The following RNPEPL1 variants were observed in gnomAD, a reference collection of about 807,000 sequenced individuals.
The protein encoded by RNPEPL1 is aminopeptidase RNPEPL1.
Under a neutral mutation model 69.0 loss-of-function variants are expected in RNPEPL1, and 46 were observed. The ratio of observed to expected loss-of-function variants is 0.67; its 90% CI spans 0.53 to 0.85. The LOEUF (loss-of-function observed/expected upper bound fraction) is 0.85, where lower values mean the gene tolerates loss of function less well. Among genes scored for constraint, RNPEPL1 ranks in the 40% least tolerant of loss-of-function variants. The pLI, the probability that RNPEPL1 is intolerant of heterozygous loss-of-function variation, is 0.00. For missense variants in RNPEPL1, 869 were observed against 992.5 expected (o/e 0.88, Z 1.67); for synonymous variants, 525 against 454.1 (o/e 1.16, Z -1.98).
At chr2:240,572,775 G>A (rs559173628) in intron 2 of RNPEPL1, among the ~76,000 whole-genome samples, 62 of 152,350 alleles carry the variant, frequency 4.1e-4, no homozygotes, top group African/African-American at 1.2e-3. Flanking sequence ...CTGAGGGGTC[G>A]GGGTCCTGGA....
In RNPEPL1 at chr2:240,578,209, C is replaced by G. The variant is rs191831366; in HGVS notation, c.*317C>G. Reference sequence around the variant, plus strand: ...TGCCAGCACCTGCCAGGTGCCGCCCCGGGGCAAGGGCCCCAGCAGCCCTAT... The same window carrying G: ...TGCCAGCACCTGCCAGGTGCCGCCCGGGGGCAAGGGCCCCAGCAGCCCTAT... On this transcript the variant is annotated 3_prime_UTR_variant, in exon 11 of 11. Transcript: ENST00000270357. 49 of 268,946 alleles carry G rather than the reference C, an allele frequency of 1.8e-4. No individual in the cohort carries two copies. In the South Asian group the frequency reaches 6.1e-3, roughly 34 times the overall value. The allele number at this position is 268,946 out of a possible 1,614,324, so 16.7% of individuals were successfully genotyped here.
rs2093036952 is a variant in RNPEPL1, at chr2:240,576,109, C to A, written c.1511-426C>A. 1.5e-5 allele frequency: 4 copies of A among 269,466 alleles called. 1 individual carries two copies. The South Asian group carries it at 2.0e-4, about 14-fold the overall frequency. 16.7% of individuals were successfully genotyped at this position (269,466 alleles called of 1,614,324 possible). ...TGACACCAAGTTTTGGAAGGTACAG[C>A]AAGTGCATCAAGAGCTTTTTGTGGG... is the stretch of plus-strand genomic sequence containing the variant. On this transcript the variant is annotated intron_variant, in intron 8 of 10. Coordinates refer to ENST00000270357, the MANE Select transcript of RNPEPL1 (RefSeq NM_018226.6).
In RNPEPL1 at chr2:240,572,534, G is replaced by A. The variant is rs2093024726; in HGVS notation, c.640G>A (p.Val214Met). 5.2e-6 allele frequency: 8 copies of A among 1,536,138 alleles called. No individual in the cohort carries two copies. The highest frequency in any genetic ancestry group is 3.9e-5 in the Admixed American group (2 of 50,982). The change falls in exon 2 of 11, where the codon GTG becomes ATG. Residue 214 changes from valine to methionine, a missense_variant. Coordinates refer to ENST00000270357, the MANE Select transcript of RNPEPL1 (RefSeq NM_018226.6). ...SFFPCFDTPA[V>M]KCTYSAVVKA... Reference sequence around the variant, plus strand: ...CTTCCCGTGCTTCGACACACCTGCCGTGAAGTGCACCTACTCTGCCGTCGT... The same window carrying A: ...CTTCCCGTGCTTCGACACACCTGCCATGAAGTGCACCTACTCTGCCGTCGT...
Position 240,574,508 on chromosome 2 carries a change from C to T in RNPEPL1, c.1175-7C>T. 2 of 1,608,008 alleles carry T rather than the reference C, an allele frequency of 1.2e-6. No homozygotes were observed. Among genetic ancestry groups the T allele is most frequent in the South Asian group, 1.1e-5 (1 of 90,078 alleles). ...TCACCTCTCCTCTGTCTCCGGACCC[C>T]ATCCAGGTGCTGCCTTCACCTGCCT... is the stretch of plus-strand genomic sequence containing the variant. On this transcript the variant is annotated splice_polypyrimidine_tract_variant and splice_region_variant and intron_variant, in intron 5 of 10. Coordinates refer to ENST00000270357, the MANE Select transcript of RNPEPL1 (RefSeq NM_018226.6).
rs2093013100 is a variant in RNPEPL1, at chr2:240,568,969, C to T, written c.383C>T (p.Ser128Phe). Reference protein sequence around the residue: ...PLPAFPEAPGSEPACCPLAFR... With the variant: ...PLPAFPEAPGFEPACCPLAFR... ...CCCGCCTTCCCCGAGGCGCCCGGCT[C>T]CGAGCCCGCCTGCTGTCCGCTGGCC... Residue 128 changes from serine (S) to phenylalanine (F), a missense_variant, in exon 1 of 11, where the codon TCC becomes TTC. By Grantham distance (155) the Ser-to-Phe change is radical. Coordinates refer to ENST00000270357, the MANE Select transcript of RNPEPL1 (RefSeq NM_018226.6). The surrounding 1 kb of genome is among the most constrained non-coding windows in gnomAD (Gnocchi z 6.2). 1 of 1,456,314 alleles carries T rather than the reference C, an allele frequency of 6.9e-7. No individual in the cohort carries two copies. 90.2% of individuals were successfully genotyped at this position (1,456,314 alleles called of 1,614,324 possible). A position where few individuals can be genotyped will look rare whatever the true frequency, so the allele number is the denominator to read the frequency against.
chr2:240,573,898 C>A lies in RNPEPL1; in HGVS notation c.938+7C>A, dbSNP rs2093029986. On this transcript the variant is annotated splice_region_variant and intron_variant, in intron 4 of 10. Transcript: ENST00000270357. ...GGCCCTACATGTGGGGCAGGTAGGC[C>A]CCGGGGACCTGTGGACCTGGCTGGC... 1.9e-6 allele frequency: 3 copies of A among 1,577,814 alleles called. No homozygotes were observed. The African/African-American group carries it at 4.0e-5, about 21-fold the overall frequency.
chr2:240,575,192 C>T (rs2093034225), intron 7 of RNPEPL1, 50 bp downstream of exon 7: 2 of 1,436,790 alleles, frequency 1.4e-6, no homozygotes, highest in African/African-American at 2.8e-5. Flanking sequence ...GCCCCCAGCC[C>T]CTCCCCGGCT....
chr2:240,569,168 C>T (rs1007225350), intron 1 of RNPEPL1, 54 bp downstream of exon 1: 41 of 1,370,578 alleles, frequency 3.0e-5, no homozygotes, highest in Non-Finnish European at 3.7e-5. Context: ...GCGCTGCTAG[C>T]GGCCTCTCGC....
intron 8 of RNPEPL1, 35 bp downstream of exon 8, chr2:240,575,645 C>T (rs376974000): frequency 4.5e-5 from 70 of 1,571,680 alleles, no homozygotes; most frequent in South Asian, 1.0e-4. Context: ...GCCAGGGAGC[C>T]GTGGGTATGA....
chr2:240,571,009 G>T (rs981268611), intron 1 of RNPEPL1, among the ~76,000 whole-genome samples: 5 of 152,138 alleles, frequency 3.3e-5, no homozygotes, highest in South Asian at 2.1e-4. Flanking sequence ...CACAGGAGAG[G>T]AGTAGTTGTG....
intron 1 of RNPEPL1, among the ~76,000 whole-genome samples, chr2:240,571,534 C>T (rs2093021470): frequency 6.6e-6 from 1 of 151,992 alleles, no homozygotes; most frequent in Admixed American, 6.6e-5. Context: ...GAGCTGCCCT[C>T]ACTGGAGAGG....
Position 240,578,029 on chromosome 2 carries a change from GGCA to G in RNPEPL1, c.*139_*141del. The G allele has an allele frequency of 2.3e-6, 2 of 872,282 alleles. No individual in the cohort carries two copies. Among genetic ancestry groups the G allele is most frequent in the Non-Finnish European group, 3.2e-6 (2 of 615,824 alleles). The allele number at this position is 872,282 out of a possible 1,614,324, so 54.0% of individuals were successfully genotyped here. On this transcript the variant is annotated 3_prime_UTR_variant, in exon 11 of 11. Transcript: ENST00000270357. ...CAAGCCCCTCCCCTGGGCTCTCCCA[GGCA>G]GGGAGAATGGGGAGAGGGACCTCCT... is the stretch of plus-strand genomic sequence containing the variant.
chr2:240,568,871 C>A lies in RNPEPL1; in HGVS notation c.285C>A (p.Ala95=). The change falls in exon 1 of 11, where the codon GCC becomes GCA. Residue 95 remains alanine, a synonymous_variant. Transcript: ENST00000270357. This position sits in a 1 kb window ranked among gnomAD's most constrained non-coding sequence, Gnocchi z 6.2. ...LHSAAFRRAP[A]AAAETPCAFA... The stretch of plus-strand genomic sequence containing the variant: ...CAGCCGCCTTCCGTCGCGCCCCCGC[C>A]GCCGCCGCCGAGACGCCCTGCGCCT... 1 of 1,220,368 alleles carries A rather than the reference C, an allele frequency of 8.2e-7. No homozygotes were observed. Among genetic ancestry groups the A allele is most frequent in the South Asian group, 2.5e-5 (1 of 40,716 alleles). 75.6% of individuals were successfully genotyped at this position (1,220,368 alleles called of 1,614,324 possible).
At position 240,579,880 on chromosome 2, in the gene RNPEPL1, ACT is replaced by A. The variant is rs2125451938; in HGVS notation, c.*1991_*1992del. On this transcript the variant is annotated 3_prime_UTR_variant, in exon 11 of 11. Coordinates refer to ENST00000270357, the MANE Select transcript of RNPEPL1 (RefSeq NM_018226.6). ...CTTTTGCAATTCAGCTCTCGAAATG[ACT>A]CTGTGGTCTGCGGGTGACTCCACTC... The A allele has an allele frequency of 6.6e-6, 1 of 152,038 alleles. No individual in the cohort carries two copies. The highest frequency in any genetic ancestry group is 2.1e-4 in the South Asian group (1 of 4,806). The allele number at this position is 152,038 out of a possible 1,614,324, so 9.4% of individuals were successfully genotyped here. A position where few individuals can be genotyped will look rare whatever the true frequency, so the allele number is the denominator to read the frequency against.
intron 1 of RNPEPL1, among the ~76,000 whole-genome samples, chr2:240,571,878 C>G (rs1030624865): frequency 1.3e-5 from 2 of 152,022 alleles, no homozygotes; most frequent in Admixed American, 1.3e-4. Context: ...GGCTTGGAGC[C>G]TGTCTCTTGC....
chr2:240,575,813 G>A (rs145759143), intron 8 of RNPEPL1: 13 of 581,958 alleles, frequency 2.2e-5, no homozygotes, highest in African/African-American at 3.7e-5. Flanking sequence ...CCCTGGGGCC[G>A]GTGGCACAGG....
rs1252994056 is a variant in RNPEPL1, at chr2:240,578,658, G to A, written c.*766G>A. The A allele has an allele frequency of 6.6e-6, 1 of 152,514 alleles. No homozygotes were observed. The highest frequency in any genetic ancestry group is 1.5e-5 in the Non-Finnish European group (1 of 68,182). The allele number at this position is 152,514 out of a possible 1,614,324, so 9.4% of individuals were successfully genotyped here. On this transcript the variant is annotated 3_prime_UTR_variant, in exon 11 of 11. Coordinates refer to ENST00000270357, the MANE Select transcript of RNPEPL1 (RefSeq NM_018226.6). ...TGCTGGGAGAGGCGGCCAGAGCCTG[G>A]GGCCTCCAGCCTGGGACTGCTGTGA... is the stretch of plus-strand genomic sequence containing the variant.
intron 1 of RNPEPL1, among the ~76,000 whole-genome samples, chr2:240,571,713 G>T (rs2093022061): frequency 6.6e-6 from 1 of 151,720 alleles, no homozygotes; most frequent in Non-Finnish European, 1.5e-5. Flanking sequence ...GTGACCTTAG[G>T]TGGGTAGCAG....
At chr2:240,571,214 C>T (rs1441202027) in intron 1 of RNPEPL1, among the ~76,000 whole-genome samples, 4 of 152,154 alleles carry the variant, frequency 2.6e-5, no homozygotes, top group Admixed American at 1.3e-4. Flanking sequence ...CCAGCAGGGC[C>T]AGGGCACCAA....
Sources: gnomAD v4.1 joint callset for allele counts (sites outside exome capture counted in the v4.1 genomes callset) on GRCh38, gnomAD v4.1.1 for gene constraint, Gnocchi (gnomAD v3.1) non-coding constraint, MANE v1.5 for transcripts, NCBI Gene and HGNC (gene_info 2026-07-23, HGNC 2026-07-21) for gene names.